OR2V2: variants seen among roughly 807,000 people sequenced by gnomAD.
OR2V2 encodes olfactory receptor 2V2.
For synonymous variants in OR2V2, 161 were observed against 151.3 expected (o/e 1.06, Z -0.47); for missense variants, 392 against 392.2 (o/e 1.00, Z 0.00).
rs560315143 is a variant in OR2V2 at position 181,147,846 on chromosome 5, G to A, written c.-174G>A. 8.3e-5 allele frequency: 33 copies of A among 395,742 alleles called. No individual in the cohort carries two copies. The highest frequency in any genetic ancestry group is 6.4e-4 in the Middle Eastern group (1 of 1,574). 24.5% of individuals were successfully genotyped at this position (395,742 alleles called of 1,614,324 possible). A position where few individuals can be genotyped will look rare whatever the true frequency, so the allele number is the denominator to read the frequency against. On this transcript the variant is annotated 5_prime_UTR_variant, in exon 1 of 2. Coordinates refer to ENST00000641492, the MANE Select transcript of OR2V2 (RefSeq NM_206880.2). Reference sequence around the variant, plus strand: ...CCACAGCCCGATGAGTAGTCGGTGCGGGCTGAGGAAGGAGGTTGGGGCTGC... The same window carrying A: ...CCACAGCCCGATGAGTAGTCGGTGCAGGCTGAGGAAGGAGGTTGGGGCTGC...
rs1275595979 is a variant in OR2V2, at chr5:181,155,080, C to T, written c.138C>T (p.Leu46=). ...TGGCCCTCTGTGGGAATGTCCTCCT[C>T]ATCTTCCTCATCTACATGGACCCTC... is the stretch of plus-strand genomic sequence containing the variant. ...FTVALCGNVL[L]IFLIYMDPHL... Residue 46 remains leucine, a synonymous_variant, in exon 2 of 2, where the codon CTC becomes CTT. Coordinates refer to ENST00000641492, the MANE Select transcript of OR2V2 (RefSeq NM_206880.2). 1.2e-6 allele frequency: 2 copies of T among 1,614,206 alleles called. No homozygotes were observed. The highest frequency in any genetic ancestry group is 1.7e-6 in the Non-Finnish European group (2 of 1,180,036).
rs1279757 is a variant in OR2V2 at position 181,157,173 on chromosome 5, A to T, written c.*1283A>T. On this transcript the variant is annotated 3_prime_UTR_variant, in exon 2 of 2. Transcript: ENST00000641492. The stretch of plus-strand genomic sequence containing the variant: ...AAAATTCTCTTTTCATGGAAAAAAA[A>T]TATCTCCATTGAAGGCGGAGAGAAA... 0.67 allele frequency: 101,726 copies of T among 152,234 alleles called. 35,660 individuals are homozygous for T. The highest frequency in any genetic ancestry group is 0.87 in the African/African-American group (36,212 of 41,554). 9.4% of individuals were successfully genotyped at this position (152,234 alleles called of 1,614,324 possible). A position where few individuals can be genotyped will look rare whatever the true frequency, so the allele number is the denominator to read the frequency against.
intron 1 of OR2V2, among the ~76,000 whole-genome samples, chr5:181,151,245 T>A (rs558770163): frequency 6.6e-6 from 1 of 152,024 alleles, no homozygotes; most frequent in African/African-American, 2.4e-5. Flanking sequence ...AGATGAGACA[T>A]CCAGAGTCAG....
At chr5:181,154,607 A>C (rs1213617597) in intron 1 of OR2V2, among the ~76,000 whole-genome samples, 1 of 144,284 alleles carries the variant, frequency 6.9e-6, no homozygotes, top group Non-Finnish European at 1.5e-5. Context: ...AAAAAAAAAG[A>C]CTCTGTATCA....
Position 181,156,070 on chromosome 5 carries a change from C to CTTTCTTTCT in OR2V2, c.*183_*184insCTTTCTTTT, listed in dbSNP as rs1763263154. ...TCTTTCTTTCTTTCTTTCTTTCTTTCTTTTGTTCTTTCTTTCGTTCTTTCT... is the reference window on the plus strand; with the variant it reads ...TCTTTCTTTCTTTCTTTCTTTCTTTCTTTCTTTCTTTTTGTTCTTTCTTTCGTTCTTTCT... On this transcript the variant is annotated 3_prime_UTR_variant, in exon 2 of 2. Transcript: ENST00000641492. 7 of 467,752 alleles carry CTTTCTTTCT rather than the reference C, an allele frequency of 1.5e-5. No individual in the cohort carries two copies. The highest frequency in any genetic ancestry group is 2.4e-5 in the Non-Finnish European group (7 of 289,080). The allele number at this position is 467,752 out of a possible 1,614,324, so 29.0% of individuals were successfully genotyped here. A position where few individuals can be genotyped will look rare whatever the true frequency, so the allele number is the denominator to read the frequency against.
At chr5:181,151,993 A>G (rs961020317) in intron 1 of OR2V2, among the ~76,000 whole-genome samples, 1 of 151,746 alleles carries the variant, frequency 6.6e-6, no homozygotes, top group African/African-American at 2.4e-5. Context: ...AAAAAAAAAA[A>G]AAAAAAAATC....
chr5:181,154,950 CGTGG>C lies in OR2V2; in HGVS notation c.12_15del (p.Trp4Ter). 6.2e-7 allele frequency: 1 copy of C among 1,612,022 alleles called. No individual in the cohort carries two copies. The highest frequency in any genetic ancestry group is 8.5e-7 in the Non-Finnish European group (1 of 1,178,086). On this transcript the variant is annotated frameshift_variant, in exon 2 of 2. Coordinates refer to ENST00000641492, the MANE Select transcript of OR2V2 (RefSeq NM_206880.2). LOFTEE classifies it low-confidence loss of function (END_TRUNC). ...AGGAGCAACAACCGAGCCATGGAGA[CGTGG>C]GTGAACCAGTCCTACACAGATGGCT...
At chr5:181,150,065 G>A (rs1451162072) in intron 1 of OR2V2, among the ~76,000 whole-genome samples, 1 of 152,216 alleles carries the variant, frequency 6.6e-6, no homozygotes, top group East Asian at 1.9e-4. Flanking sequence ...GGGCCCCTAT[G>A]ACCAAGATGG....
chr5:181,149,880 G>A (rs964417728), intron 1 of OR2V2, among the ~76,000 whole-genome samples: 1 of 152,258 alleles, frequency 6.6e-6, no homozygotes, highest in African/African-American at 2.4e-5. Flanking sequence ...GGAAGAGAGA[G>A]ATGGACAGAG....
intron 1 of OR2V2, among the ~76,000 whole-genome samples, chr5:181,153,639 C>T (rs1323144562): frequency 2.0e-5 from 3 of 152,324 alleles, no homozygotes; most frequent in Admixed American, 1.3e-4. Flanking sequence ...GATCACACCA[C>T]TGCACCCCAG....
In OR2V2 at chr5:181,156,598, G is replaced by C. The variant is rs1489217431; in HGVS notation, c.*708G>C. ...TACTTCTACTAGAAGAAGACGTTGA[G>C]CTGAGCCTCCTAACTCTCCTTGCTA... On this transcript the variant is annotated 3_prime_UTR_variant, in exon 2 of 2. Coordinates refer to ENST00000641492, the MANE Select transcript of OR2V2 (RefSeq NM_206880.2). 1.3e-5 allele frequency: 2 copies of C among 152,210 alleles called. No homozygotes were observed. The highest frequency in any genetic ancestry group is 2.9e-5 in the Non-Finnish European group (2 of 68,050). The allele number at this position is 152,210 out of a possible 1,614,324, so 9.4% of individuals were successfully genotyped here.
chr5:181,152,006 A>C (rs1439645083), intron 1 of OR2V2, among the ~76,000 whole-genome samples: 5 of 151,300 alleles, frequency 3.3e-5, no homozygotes, highest in African/African-American at 1.2e-4. Flanking sequence ...AAAAAATCAA[A>C]GGCTTTGGGT....
At position 181,156,587 on chromosome 5, in the gene OR2V2, G is replaced by A. The variant is rs943746085; in HGVS notation, c.*697G>A. The stretch of plus-strand genomic sequence containing the variant: ...AAAATTGGAATTACTTCTACTAGAA[G>A]AAGACGTTGAGCTGAGCCTCCTAAC... On this transcript the variant is annotated 3_prime_UTR_variant, in exon 2 of 2. Transcript: ENST00000641492. 7 of 152,248 alleles carry A rather than the reference G, an allele frequency of 4.6e-5. No homozygotes were observed. Among genetic ancestry groups the A allele is most frequent in the African/African-American group, 1.4e-4 (6 of 41,458 alleles). 9.4% of individuals were successfully genotyped at this position (152,248 alleles called of 1,614,324 possible). A position where few individuals can be genotyped will look rare whatever the true frequency, so the allele number is the denominator to read the frequency against.
chr5:181,157,007 T>C lies in OR2V2; in HGVS notation c.*1117T>C, dbSNP rs1176786956. On this transcript the variant is annotated 3_prime_UTR_variant, in exon 2 of 2. Coordinates refer to ENST00000641492, the MANE Select transcript of OR2V2 (RefSeq NM_206880.2). ...GTAAGGAGAAAACTGGCTGAACTCC[T>C]TCCCCTTCGGGGAATGAAGACTGGA... The C allele has an allele frequency of 6.6e-6, 1 of 152,272 alleles. No homozygotes were observed. The highest frequency in any genetic ancestry group is 1.5e-5 in the Non-Finnish European group (1 of 68,046). The allele number at this position is 152,272 out of a possible 1,614,324, so 9.4% of individuals were successfully genotyped here.
At chr5:181,152,710 C>T (rs1409207591) in intron 1 of OR2V2, among the ~76,000 whole-genome samples, 1 of 152,200 alleles carries the variant, frequency 6.6e-6, no homozygotes, top group Non-Finnish European at 1.5e-5. Flanking sequence ...TCACAAAATA[C>T]CCCACTCCTC....
chr5:181,156,066 CT>C lies in OR2V2; in HGVS notation c.*179del, dbSNP rs1264292385. 3 of 471,872 alleles carry C rather than the reference CT, an allele frequency of 6.4e-6. No homozygotes were observed. Among genetic ancestry groups the C allele is most frequent in the Non-Finnish European group, 1.0e-5 (3 of 292,202 alleles). 29.2% of individuals were successfully genotyped at this position (471,872 alleles called of 1,614,324 possible). On this transcript the variant is annotated 3_prime_UTR_variant, in exon 2 of 2. Coordinates refer to ENST00000641492, the MANE Select transcript of OR2V2 (RefSeq NM_206880.2). ...TCTTTCTTTCTTTCTTTCTTTCTTT[CT>C]TTCTTTTGTTCTTTCTTTCGTTCTT...
chr5:181,148,026 C>G (rs1046431445), intron 1 of OR2V2, 31 bp downstream of exon 1: 2 of 398,872 alleles, frequency 5.0e-6, no homozygotes, highest in African/African-American at 4.1e-5. Context: ...GTCGTCCCCT[C>G]TCTCTTCCCT....
Position 181,155,829 on chromosome 5 carries a change from G to A in OR2V2, c.887G>A (p.Arg296Lys). Reference sequence around the variant, plus strand: ...CCCCTCATTTACAGCTTGAGGAACAGGGAGGTGATGGGGGCACTGAGGAAG... The same window carrying A: ...CCCCTCATTTACAGCTTGAGGAACAAGGAGGTGATGGGGGCACTGAGGAAG... Reference protein sequence around the residue: ...LNPLIYSLRNREVMGALRKGL... With the variant: ...LNPLIYSLRNKEVMGALRKGL... The change falls in exon 2 of 2, where the codon AGG becomes AAG. Residue 296 changes from arginine to lysine, a missense_variant. Arg to Lys is a conservative substitution (Grantham distance 26). Coordinates refer to ENST00000641492, the MANE Select transcript of OR2V2 (RefSeq NM_206880.2). 6.2e-7 allele frequency: 1 copy of A among 1,614,206 alleles called. No homozygotes were observed. Among genetic ancestry groups the A allele is most frequent in the Non-Finnish European group, 8.5e-7 (1 of 1,180,038 alleles).
chr5:181,152,444 G>A (rs1004894027), intron 1 of OR2V2, among the ~76,000 whole-genome samples: 5 of 152,182 alleles, frequency 3.3e-5, no homozygotes, highest in African/African-American at 1.2e-4. Flanking sequence ...AACAACTGGA[G>A]ATGCTTTTGC....
Sources: gnomAD v4.1 joint callset for allele counts (sites outside exome capture counted in the v4.1 genomes callset) on GRCh38, gnomAD v4.1.1 for gene constraint, MANE v1.5 for transcripts, NCBI Gene and HGNC (gene_info 2026-07-23, HGNC 2026-07-21) for gene names.